Variants in RFC3 observed in about 807,000 individuals in gnomAD.
RFC3 encodes the protein A1 38 kDa subunit.
A neutral mutation model predicts 45.1 loss-of-function variants in RFC3; 41 were observed. The observed-to-expected ratio is 0.91, with a 90% CI of 0.71 to 1.18. RFC3 has a LOEUF of 1.18. Ranked by LOEUF, RFC3 falls within the 50% of genes most tolerant of loss-of-function variation. The pLI, the probability that RFC3 is intolerant of heterozygous loss-of-function variation, is 0.00. For synonymous variants in RFC3, 149 were observed against 144.0 expected, an observed-to-expected ratio of 1.03 and a Z score of -0.25; for missense variants, 423 against 428.1, an observed-to-expected ratio of 0.99 and a Z score of 0.10.
Position 33,825,861 on chromosome 13 carries a change from A to G in RFC3, c.366A>G (p.Glu122=). ...CAGTGGCACAATCACAACAACTTGAAACAAACTCTCAAAGGGATTTTAAAG... is the reference window on the plus strand; with the variant it reads ...CAGTGGCACAATCACAACAACTTGAGACAAACTCTCAAAGGGATTTTAAAG... ...LKTVAQSQQL[E]TNSQRDFKVV... is the part of the protein sequence containing the mutation. The change falls in exon 4 of 9, where the codon GAA becomes GAG. Residue 122 remains glutamate (E), a synonymous_variant. Coordinates refer to ENST00000380071, the MANE Select transcript of RFC3 (RefSeq NM_002915.4). 6.2e-7 allele frequency: 1 copy of G among 1,608,226 alleles called. No individual in the cohort carries two copies. Among genetic ancestry groups the G allele is most frequent in the Non-Finnish European group, 8.5e-7 (1 of 1,176,856 alleles).
At chr13:33,914,367 C>A (rs764967156) in intron 8 of RFC3, among the ~76,000 whole-genome samples, 3 of 152,112 alleles carry the variant, frequency 2.0e-5, no homozygotes, top group Non-Finnish European at 2.9e-5. Flanking sequence ...CACTATTATA[C>A]TTTCATGCAA....
chr13:33,881,683 T>C (rs2082485538), intron 8 of RFC3, among the ~76,000 whole-genome samples: 1 of 152,074 alleles, frequency 6.6e-6, no homozygotes, highest in Non-Finnish European at 1.5e-5. Flanking sequence ...ACCTACACCC[T>C]CTCGTTCCCT....
chr13:33,966,052 T>C, intron 8 of RFC3: 1 of 1,523,880 alleles, frequency 6.6e-7, no homozygotes, highest in Non-Finnish European at 9.1e-7. Context: ...GGGTCTGTGA[T>C]AAACAATTGA....
chr13:33,947,718 T>G (rs998824777), intron 8 of RFC3, among the ~76,000 whole-genome samples: 2 of 152,166 alleles, frequency 1.3e-5, no homozygotes, highest in Non-Finnish European at 2.9e-5. Context: ...ATATGGACAA[T>G]GAAGTCCAGG....
intron 8 of RFC3, among the ~76,000 whole-genome samples, chr13:33,884,149 A>G (rs2082504652): frequency 6.6e-6 from 1 of 152,236 alleles, no homozygotes; most frequent in African/African-American, 2.4e-5. Context: ...GAAACCTGAC[A>G]TTCCACCCCT....
chr13:33,876,511 T>C (rs201977563), intron 8 of RFC3, among the ~76,000 whole-genome samples: 1 of 152,218 alleles, frequency 6.6e-6, no homozygotes, highest in Non-Finnish European at 1.5e-5. Context: ...TTTTAGGTAA[T>C]TTAGAAACGT....
chr13:33,892,893 A>G (rs1161641249), intron 8 of RFC3, among the ~76,000 whole-genome samples: 1 of 152,196 alleles, frequency 6.6e-6, no homozygotes, highest in Non-Finnish European at 1.5e-5. Context: ...CCTTCTGTCC[A>G]GCACCAAGTG....
chr13:33,881,651 A>G (rs2082485316), intron 8 of RFC3, among the ~76,000 whole-genome samples: 1 of 151,834 alleles, frequency 6.6e-6, no homozygotes, highest in Non-Finnish European at 1.5e-5. Flanking sequence ...CTCCATCTTC[A>G]AATCAGGATA....
intron 5 of RFC3, 32 bp downstream of exon 5, chr13:33,830,049 A>G (rs774600939): frequency 6.3e-7 from 1 of 1,574,866 alleles, no homozygotes; most frequent in Non-Finnish European, 8.7e-7. Flanking sequence ...TGAAAAATAA[A>G]TCAGTTCAGA....
At chr13:33,933,896 G>A (rs12430966) in intron 8 of RFC3, among the ~76,000 whole-genome samples, 15,989 of 151,718 alleles carry the variant, frequency 0.11, 1,121 homozygotes, top group Admixed American at 0.21. Flanking sequence ...TTTAATGTGA[G>A]AGTAACAGGA....
At chr13:33,961,112 A>C (rs1283585832) in intron 8 of RFC3, among the ~76,000 whole-genome samples, 1 of 152,254 alleles carries the variant, frequency 6.6e-6, no homozygotes, top group Non-Finnish European at 1.5e-5. Context: ...TTTGTTGTCT[A>C]TATGAAACTC....
At chr13:33,833,369 T>TA (rs530123262) in intron 7 of RFC3, among the ~76,000 whole-genome samples, 28 of 148,368 alleles carry the variant, frequency 1.9e-4, no homozygotes, top group South Asian at 1.1e-3. Context: ...CTTTTTAGAT[T>TA]AAAAAAAAAA....
At chr13:33,956,255 G>T (rs1443474991) in intron 8 of RFC3, among the ~76,000 whole-genome samples, 3 of 152,128 alleles carry the variant, frequency 2.0e-5, no homozygotes, top group African/African-American at 7.2e-5. Flanking sequence ...CAGAAATATT[G>T]AAACATAAAA....
intron 8 of RFC3, among the ~76,000 whole-genome samples, chr13:33,916,716 G>A (rs1237408952): frequency 6.6e-6 from 1 of 152,046 alleles, no homozygotes; most frequent in African/African-American, 2.4e-5. Context: ...TTATATGCAT[G>A]TTTATATGCA....
intron 8 of RFC3, among the ~76,000 whole-genome samples, chr13:33,901,683 G>A (rs2082642881): frequency 6.6e-6 from 1 of 152,076 alleles, no homozygotes; most frequent in South Asian, 2.1e-4. Context: ...TGAGCTATAA[G>A]GGAATAATTC....
rs938908714 is a variant in RFC3 at position 33,830,768 on chromosome 13, C to T, written c.623C>T (p.Pro208Leu). ...TVCKKEGLNL[P>L]SQLAHRLAEK... is the part of the protein sequence containing the mutation. ...TGTAAGAAGGAAGGTCTGAATCTTC[C>T]TTCACAACTGGCTCATAGACTTGCA... The change falls in exon 6 of 9, where the codon CCT becomes CTT. Residue 208 changes from proline (P) to leucine (L), a missense_variant. Coordinates refer to ENST00000380071, the MANE Select transcript of RFC3 (RefSeq NM_002915.4). 1.9e-6 allele frequency: 3 copies of T among 1,613,312 alleles called. No homozygotes were observed. Among genetic ancestry groups the T allele is most frequent in the Non-Finnish European group, 8.5e-7 (1 of 1,179,366 alleles).
downstream of RFC3, among the ~76,000 whole-genome samples, chr13:33,841,126 A>G (rs1252383997): frequency 6.6e-6 from 1 of 152,168 alleles, no homozygotes; most frequent in African/African-American, 2.4e-5. Flanking sequence ...TGAACTGTAC[A>G]TGTGAGGGAT....
chr13:33,870,963 C>G (rs1228648149), intron 8 of RFC3, among the ~76,000 whole-genome samples: 3 of 152,150 alleles, frequency 2.0e-5, no homozygotes, highest in South Asian at 2.1e-4. Flanking sequence ...ATTTAAGTGT[C>G]TCTGTGCTTT....
At chr13:33,970,226 G>A (rs867019197), downstream of RFC3, among the ~76,000 whole-genome samples, 1 of 152,220 alleles carries the variant, frequency 6.6e-6, no homozygotes, top group Admixed American at 6.5e-5. Flanking sequence ...GAGGATAATG[G>A]CTTCCAGCTC....
Sources: gnomAD v4.1 joint callset for allele counts (sites outside exome capture counted in the v4.1 genomes callset) on GRCh38, gnomAD v4.1.1 for gene constraint, MANE v1.5 for transcripts, NCBI Gene and HGNC (gene_info 2026-07-23, HGNC 2026-07-21) for gene names.